The following MIER2 variants were observed in gnomAD, a reference collection of about 807,000 sequenced individuals.
MIER2 encodes MIER family member 2.
MIER2 carries 30 observed loss-of-function variants against 67.6 expected under a neutral mutation model. That is an observed-to-expected ratio of 0.44 (90% CI 0.33 to 0.60). The LOEUF (loss-of-function observed/expected upper bound fraction) is 0.60. MIER2 is among the 20% of genes least tolerant of loss of function. The pLI is 0.02. For missense variants in MIER2, 702 were observed against 745.1 expected (o/e 0.94, Z 0.67); for synonymous variants, 372 against 312.6 (o/e 1.19, Z -2.00).
intron 7 of MIER2, among the ~76,000 whole-genome samples, chr19:314,437 C>T (rs1971146423): frequency 6.6e-6 from 1 of 152,200 alleles, no homozygotes; most frequent in African/African-American, 2.4e-5. Flanking sequence ...CTCAATTATC[C>T]AGGAAAGAGG....
rs563757085 is a variant in MIER2 at position 335,061 on chromosome 19, G to T, written c.101-519C>A. 1.3e-4 allele frequency among the ~76,000 whole-genome samples: 20 copies of T among 152,334 alleles called. No individual in the cohort carries two copies. In the South Asian group the frequency reaches 4.1e-3, roughly 32 times the overall value. Reference sequence around the variant, plus strand: ...GCAGGGCCACATGAAGAAGACATGCGATGTACATGGCCCAACAGTTGACGG... The same window carrying T: ...GCAGGGCCACATGAAGAAGACATGCTATGTACATGGCCCAACAGTTGACGG... On this transcript the variant is annotated intron_variant, in intron 2 of 13. Coordinates refer to ENST00000264819, the MANE Select transcript of MIER2 (RefSeq NM_017550.3).
At chr19:314,143 G>T (rs550070389) in intron 7 of MIER2, among the ~76,000 whole-genome samples, 2 of 152,318 alleles carry the variant, frequency 1.3e-5, no homozygotes, top group East Asian at 3.9e-4. Context: ...TTGGGCCCGT[G>T]GACAAGCGGG....
At chr19:326,963 G>T in intron 5 of MIER2, 170 bp downstream of exon 5, 2 of 885,596 alleles carry the variant, frequency 2.3e-6, no homozygotes, top group Non-Finnish European at 3.3e-6. Context: ...TCACTGGCCA[G>T]CGTGGAGGAG....
At chr19:317,459 G>A (rs540758137) in intron 7 of MIER2, among the ~76,000 whole-genome samples, 17 of 151,856 alleles carry the variant, frequency 1.1e-4, no homozygotes, top group African/African-American at 1.7e-4. Flanking sequence ...CCCGGGAGGC[G>A]GAGCTTGCAG....
intron 7 of MIER2, among the ~76,000 whole-genome samples, chr19:316,020 C>T (rs898374731): frequency 1.3e-5 from 2 of 152,182 alleles, no homozygotes; most frequent in East Asian, 3.8e-4. Context: ...CGATGACAGC[C>T]AAAACGCAAT....
chr19:344,715 CGGCGGGGGGCGCGGACGCGCGGG>C, intron 1 of MIER2, 36 bp downstream of exon 1: 7 of 1,059,124 alleles, frequency 6.6e-6, no homozygotes, highest in Non-Finnish European at 7.0e-6. Context: ...CGAGCCACGG[CGGCGGGGGGCGCGGACGCGCGGG>C]GGCGGGGGGC....
chr19:326,363 G>A (rs1480053034), intron 6 of MIER2, 144 bp downstream of exon 6: 12 of 694,046 alleles, frequency 1.7e-5, no homozygotes, highest in East Asian at 1.5e-4. Context: ...AGCCACGGCC[G>A]GGATGCCAGG....
rs777926053 is a variant in MIER2 at position 307,213 on chromosome 19, C to T, written c.1522G>A (p.Glu508Lys). The change falls in exon 13 of 14, where the codon GAG becomes AAG. Residue 508 changes from glutamate to lysine, a missense_variant. This residue lies in a region of MIER2 where 254 missense variants were observed against 262.8 expected (regional missense o/e 0.97). Coordinates refer to ENST00000264819, the MANE Select transcript of MIER2 (RefSeq NM_017550.3). ...TCCCCAATGCCGATGAGTCCAAACT[C>T]GGTGACCGACAAAGCCACCTGTGCT... ...APAQVALSVT[E>K]FGLIGIGDVN... 6 of 1,591,452 alleles carry T rather than the reference C, an allele frequency of 3.8e-6. No homozygotes were observed. The highest frequency in any genetic ancestry group is 1.8e-5 in the Admixed American group (1 of 56,506).
In MIER2 at chr19:326,860, G is replaced by A. The variant is rs1321112221; in HGVS notation, c.494-262C>T. The A allele has an allele frequency of 5.2e-6, 3 of 581,700 alleles. No homozygotes were observed. The African/African-American group carries it at 5.6e-5, about 11-fold the overall frequency. 36.0% of individuals were successfully genotyped at this position (581,700 alleles called of 1,614,324 possible). A position where few individuals can be genotyped will look rare whatever the true frequency, so the allele number is the denominator to read the frequency against. ...GAAAGCCAGCACAGAGGCTTGTGAA[G>A]GAGGCCGGTTCTGGGAATGCTGTCC... On this transcript the variant is annotated intron_variant, in intron 5 of 13. Transcript: ENST00000264819.
chr19:325,774 G>A (rs377002086), intron 6 of MIER2, 70 bp from the exon 7 acceptor site: 49 of 1,560,204 alleles, frequency 3.1e-5, no homozygotes, highest in African/African-American at 1.4e-4. Flanking sequence ...TGGCTGCAGC[G>A]TGCTGTGGCA....
At position 324,124 on chromosome 19, in the gene MIER2, C is replaced by T. The variant is rs187248690; in HGVS notation, c.655+1511G>A. The stretch of plus-strand genomic sequence containing the variant: ...AGGCGTCATCACAATGCAATAAAGA[C>T]ACAACCACACAGACGACTCGAATGA... On this transcript the variant is annotated intron_variant, in intron 7 of 13. Coordinates refer to ENST00000264819, the MANE Select transcript of MIER2 (RefSeq NM_017550.3). Among the ~76,000 whole-genome samples the T allele has an allele frequency of 2.9e-5, 4 of 137,274 alleles. No individual in the cohort carries two copies. In the South Asian group the frequency reaches 6.6e-4, roughly 23 times the overall value. 90.1% of individuals were successfully genotyped at this position (137,274 alleles called of 152,430 possible).
chr19:334,264 G>C, intron 3 of MIER2, 136 bp downstream of exon 3: 4 of 1,277,794 alleles, frequency 3.1e-6, no homozygotes, highest in Non-Finnish European at 4.4e-6. Flanking sequence ...TCAGCTACTA[G>C]GACAGCATCT....
In MIER2 at chr19:326,039, C is replaced by T. The variant is rs1407029704; in HGVS notation, c.586-335G>A. ...CAGCCCACCCTGGGGTCGAGCAGCA[C>T]GTCCCTCCTCTGAGAAGGGGCACAA... On this transcript the variant is annotated intron_variant, in intron 6 of 13. Transcript: ENST00000264819. 2.6e-5 allele frequency among the ~76,000 whole-genome samples: 4 copies of T among 152,242 alleles called. No homozygotes were observed. The South Asian group carries it at 6.2e-4, about 24-fold the overall frequency.
rs1971398079 is a variant in MIER2, at chr19:319,312, A to C, written c.656-5669T>G. On this transcript the variant is annotated intron_variant, in intron 7 of 13. Transcript: ENST00000264819. The stretch of plus-strand genomic sequence containing the variant: ...TGGAGGCGAAGTTTCCAGTGAGTCA[A>C]TATTGCACCACTGAACTCCAGCCTG... Among the ~76,000 whole-genome samples, 4 of 152,138 alleles carry C rather than the reference A, an allele frequency of 2.6e-5. No individual in the cohort carries two copies. The South Asian group carries it at 8.3e-4, about 32-fold the overall frequency.
At chr19:342,775 A>T (rs1300465166) in intron 1 of MIER2, among the ~76,000 whole-genome samples, 1 of 151,972 alleles carries the variant, frequency 6.6e-6, no homozygotes, top group African/African-American at 2.4e-5. Flanking sequence ...CAACTTCACA[A>T]GATTCAACTT....
chr19:340,393 T>A (rs901398818), intron 1 of MIER2: 2 of 152,248 alleles, frequency 1.3e-5, no homozygotes, highest in African/African-American at 4.8e-5. Flanking sequence ...GCACTGCCGA[T>A]AACATCAACA....
In MIER2 at chr19:327,984, G is replaced by C. The variant is rs559780294; in HGVS notation, c.249C>G (p.Asn83Lys). The change falls in exon 4 of 14, where the codon AAC becomes AAG. Residue 83 changes from asparagine (N) to lysine (K), a missense_variant. By Grantham distance (94) the Asn-to-Lys change is moderately conservative. Around this residue, in one of 3 missense-constraint regions of MIER2, gnomAD observed 320 missense variants for 292.6 expected, o/e 1.09. Transcript: ENST00000264819. ...ELEKDFISQS[N>K]DMPFDELLAL... is the part of the protein sequence containing the mutation. ...CAAGCAGCTCATCAAAGGGCATGTC[G>C]TTGCTCTGAGTTGGGGAAGGGAACA... 1 of 1,612,964 alleles carries C rather than the reference G, an allele frequency of 6.2e-7. No homozygotes were observed. Among genetic ancestry groups the C allele is most frequent in the South Asian group, 1.1e-5 (1 of 91,022 alleles).
At chr19:340,999 G>C (rs148955191) in intron 1 of MIER2, among the ~76,000 whole-genome samples, 1 of 152,342 alleles carries the variant, frequency 6.6e-6, no homozygotes, top group Non-Finnish European at 1.5e-5. Flanking sequence ...GGGTCTGGCA[G>C]AGATGGCCTC....
rs1317208350 is a variant in MIER2 at position 344,792 on chromosome 19, T to C, written c.-10A>G. On this transcript the variant is annotated 5_prime_UTR_variant, in exon 1 of 14. Coordinates refer to ENST00000264819, the MANE Select transcript of MIER2 (RefSeq NM_017550.3). ...CACTCACCTCCGCCATGGCCGTGTG[T>C]GCGCGGGAGGCGGTGGCCGCGCCGG... 1.7e-6 allele frequency: 2 copies of C among 1,197,444 alleles called. No individual in the cohort carries two copies. The highest frequency in any genetic ancestry group is 1.6e-5 in the African/African-American group (1 of 62,796). The allele number at this position is 1,197,444 out of a possible 1,614,324, so 74.2% of individuals were successfully genotyped here. A position where few individuals can be genotyped will look rare whatever the true frequency, so the allele number is the denominator to read the frequency against.
Sources: allele counts gnomAD v4.1 joint callset (sites outside exome capture counted in the v4.1 genomes callset), GRCh38; gene constraint gnomAD v4.1.1; regional missense constraint gnomAD v4.1.1; transcripts MANE v1.5; gene names NCBI Gene and HGNC (gene_info 2026-07-23, HGNC 2026-07-21).